Variants in TTC3 observed in about 807,000 individuals in gnomAD.
TTC3 encodes the protein E3 ubiquitin-protein ligase TTC3.
Under a neutral mutation model 249.6 loss-of-function variants are expected in TTC3, and 180 were observed. The ratio of observed to expected loss-of-function variants is 0.72; its 90% CI spans 0.64 to 0.82. TTC3 has a LOEUF of 0.82. TTC3 is among the 40% of genes least tolerant of loss of function. The pLI is 0.00. For missense variants in TTC3, 2,061 were observed against 2,398.4 expected (o/e 0.86, Z 2.94); for synonymous variants, 717 against 805.0 (o/e 0.89, Z 1.85).
exon 46 of TTC3, chr21:37,201,836 G>A: frequency 2.1e-6 from 1 of 466,634 alleles, no homozygotes; most frequent in Non-Finnish European, 3.8e-6. Flanking sequence ...CTTTGAGGTG[G>A]GTGGCTTCTT....
chr21:37,130,502 A>G (rs2077385245), intron 16 of TTC3, among the ~76,000 whole-genome samples: 1 of 152,194 alleles, frequency 6.6e-6, no homozygotes, highest in Admixed American at 6.5e-5. Context: ...TGGGATAACC[A>G]CGTAAAACAC....
At chr21:37,158,319 T>C in intron 28 of TTC3, 2 of 560,812 alleles carry the variant, frequency 3.6e-6, no homozygotes, top group Non-Finnish European at 4.5e-6. Context: ...TCCTTTAACT[T>C]GTGTTCTCTA....
chr21:37,118,052 A>G lies in TTC3; in HGVS notation c.901-3765A>G, dbSNP rs552399473. ...GTCGTATGATTGCAGAAATATTTGT[A>G]TAGATAAAAACATATAACCACTAGT... On this transcript the variant is annotated intron_variant, in intron 11 of 45. Transcript: ENST00000355666. Among the ~76,000 whole-genome samples, 222 of 152,090 alleles carry G rather than the reference A, an allele frequency of 1.5e-3. 2 individuals carry two copies. Among genetic ancestry groups the G allele is most frequent in the African/African-American group, 4.9e-3 (203 of 41,488 alleles).
At chr21:37,144,903 A>G (rs1041423770) in intron 21 of TTC3, among the ~76,000 whole-genome samples, 1 of 152,168 alleles carries the variant, frequency 6.6e-6, no homozygotes, top group East Asian at 1.9e-4. Flanking sequence ...CATTTTACAG[A>G]TGAGGAAGGT....
At chr21:37,157,552 G>A (rs904975473) in intron 28 of TTC3, among the ~76,000 whole-genome samples, 2 of 152,190 alleles carry the variant, frequency 1.3e-5, no homozygotes, top group Non-Finnish European at 2.9e-5. Context: ...GGTGCCAAGG[G>A]CATCAAAGGA....
intron 1 of TTC3, among the ~76,000 whole-genome samples, chr21:37,079,517 GTT>G (rs60361476): frequency 1.2e-3 from 105 of 90,750 alleles, no homozygotes; most frequent in Admixed American, 6.7e-3. Flanking sequence ...TTATGGTATG[GTT>G]TTTTTTTTTT....
intron 14 of TTC3, among the ~76,000 whole-genome samples, chr21:37,124,959 CATTT>C (rs2076937010): frequency 6.6e-6 from 1 of 152,174 alleles, no homozygotes; most frequent in African/African-American, 2.4e-5. Flanking sequence ...TTTGAAATCA[CATTT>C]ATGTGTTTCC....
chr21:37,078,070 T>C (rs925849998), intron 1 of TTC3, among the ~76,000 whole-genome samples: 6 of 152,196 alleles, frequency 3.9e-5, no homozygotes, highest in East Asian at 1.9e-4. Context: ...TGTGTGGTTC[T>C]AATTATCCCT....
At chr21:37,171,071 T>G (rs2081737646) in intron 34 of TTC3, among the ~76,000 whole-genome samples, 1 of 152,222 alleles carries the variant, frequency 6.6e-6, no homozygotes, top group Non-Finnish European at 1.5e-5. Context: ...ATCATTTATT[T>G]GACCAATTTC....
exon 13 of TTC3, chr21:37,122,990 A>G: frequency 6.2e-7 from 1 of 1,614,108 alleles, no homozygotes; most frequent in African/African-American, 1.3e-5. Flanking sequence ...TAGGTCGAAC[A>G]GCAAATAAGG....
rs567625062 is a variant in TTC3 at position 37,148,016 on chromosome 21, C to T, written c.2016+413C>T. 4.7e-4 allele frequency among the ~76,000 whole-genome samples: 71 copies of T among 152,280 alleles called. No homozygotes were observed. In the Middle Eastern group the frequency reaches 0.01, roughly 22 times the overall value. On this transcript the variant is annotated intron_variant, in intron 22 of 45. Transcript: ENST00000355666. ...GTGGGATTACAGGTATGAACCACCACGCCCAGCCTTCCTGGACTTTTTTAG... is the reference window on the plus strand; with the variant it reads ...GTGGGATTACAGGTATGAACCACCATGCCCAGCCTTCCTGGACTTTTTTAG...
At chr21:37,185,186 G>T (rs773461710) in intron 36 of TTC3, among the ~76,000 whole-genome samples, 2 of 152,266 alleles carry the variant, frequency 1.3e-5, no homozygotes, top group Non-Finnish European at 2.9e-5. Context: ...GGCAGAACCC[G>T]CCTTGTGCAG....
exon 18 of TTC3, chr21:37,135,466 A>G (rs1407287604): frequency 6.2e-7 from 1 of 1,613,940 alleles, no homozygotes; most frequent in Non-Finnish European, 8.5e-7. Context: ...GCAGCGCTGC[A>G]CAGGCCTTTA....
intron 1 of TTC3, among the ~76,000 whole-genome samples, chr21:37,077,752 A>G (rs973721331): frequency 6.6e-6 from 1 of 152,192 alleles, no homozygotes; most frequent in South Asian, 2.1e-4. Flanking sequence ...ATCTAGTCAT[A>G]TATTTTACCC....
intron 37 of TTC3, 128 bp from the exon 38 acceptor site, chr21:37,186,921 A>G (rs534955163): frequency 5.9e-5 from 34 of 573,482 alleles, no homozygotes; most frequent in Non-Finnish European, 9.2e-5. Flanking sequence ...ATGAGATGAG[A>G]AACTGCTCTG....
intron 10 of TTC3, among the ~76,000 whole-genome samples, chr21:37,106,554 T>C (rs764090382): frequency 5.3e-5 from 8 of 152,216 alleles, no homozygotes; most frequent in Non-Finnish European, 1.0e-4. Flanking sequence ...GCAGTCCATC[T>C]GGACCTGGTG....
chr21:37,089,034 G>A (rs1418704587), intron 5 of TTC3, 148 bp downstream of exon 5: 2 of 641,690 alleles, frequency 3.1e-6, no homozygotes, highest in Non-Finnish European at 5.4e-6. Flanking sequence ...CTGTCCATCA[G>A]TGCGTGCTCA....
At chr21:37,151,418 T>G (rs2079455368) in intron 25 of TTC3, among the ~76,000 whole-genome samples, 1 of 152,286 alleles carries the variant, frequency 6.6e-6, no homozygotes, top group Non-Finnish European at 1.5e-5. Context: ...AGTGATTTTT[T>G]TTTATCATTT....
rs1051646044 is a variant in TTC3, at chr21:37,147,689, A to G, written c.2016+86A>G. The stretch of plus-strand genomic sequence containing the variant: ...AAACAATCTGTAATTGGAGGCACCC[A>G]AGTTCTCTGGCTAGTTAGCAGTCGT... On this transcript the variant is annotated intron_variant, in intron 22 of 45. Transcript: ENST00000355666. 12 of 1,484,456 alleles carry G rather than the reference A, an allele frequency of 8.1e-6. No homozygotes were observed. The Admixed American group carries it at 2.0e-4, about 25-fold the overall frequency. 92.0% of individuals were successfully genotyped at this position (1,484,456 alleles called of 1,614,324 possible). A position where few individuals can be genotyped will look rare whatever the true frequency, so the allele number is the denominator to read the frequency against.
Sources: gnomAD v4.1 joint callset for allele counts (sites outside exome capture counted in the v4.1 genomes callset) on GRCh38, gnomAD v4.1.1 for gene constraint, MANE v1.5 for transcripts, NCBI Gene and HGNC (gene_info 2026-07-23, HGNC 2026-07-21) for gene names.